The following TMEM260 variants were observed in gnomAD, a reference collection of about 807,000 sequenced individuals.
TMEM260 encodes the protein transmembrane protein 260.
A neutral mutation model predicts 88.9 loss-of-function variants in TMEM260; 82 were observed. That is an observed-to-expected ratio of 0.92 (90% CI 0.77 to 1.11). TMEM260 has a LOEUF of 1.11. TMEM260 is among the 50% of genes least tolerant of loss of function. TMEM260 has a pLI of 0.00. For synonymous variants in TMEM260, 314 were observed against 309.3 expected (o/e 1.02, Z -0.16); for missense variants, 902 against 853.4 (o/e 1.06, Z -0.71).
At chr14:56,631,737 G>A (rs765384347) in intron 12 of TMEM260, among the ~76,000 whole-genome samples, 1 of 152,112 alleles carries the variant, frequency 6.6e-6, no homozygotes, top group Non-Finnish European at 1.5e-5. Context: ...GTTAAACTCT[G>A]CTGTTTTGCC....
Position 56,585,719 on chromosome 14 carries a change from T to A in TMEM260, c.193-42T>A, listed in dbSNP as rs149810816. ...ATTAAGGCCTGTGGGACTCTTCCTT[T>A]CCTAGATGAAAACCTTCTAACTGTT... On this transcript the variant is annotated intron_variant, in intron 2 of 15. Coordinates refer to ENST00000261556, the MANE Select transcript of TMEM260 (RefSeq NM_017799.4). 134 of 1,593,702 alleles carry A rather than the reference T, an allele frequency of 8.4e-5. No homozygotes were observed. The African/African-American group carries it at 1.5e-3, about 18-fold the overall frequency.
intron 14 of TMEM260, 91 bp downstream of exon 14, chr14:56,635,043 G>GT: frequency 9.2e-7 from 1 of 1,086,566 alleles, no homozygotes; most frequent in Non-Finnish European, 1.4e-6. Flanking sequence ...GTAGGGGTGA[G>GT]TAGTGATAAT....
intron 12 of TMEM260, 46 bp downstream of exon 12, chr14:56,625,576 T>C: frequency 6.6e-7 from 1 of 1,510,338 alleles, no homozygotes; most frequent in Non-Finnish European, 9.0e-7. Flanking sequence ...TCTTAAGCTT[T>C]TCTAAAATTG....
At chr14:56,637,476 C>T in intron 15 of TMEM260, among the ~76,000 whole-genome samples, 1 of 152,192 alleles carries the variant, frequency 6.6e-6, no homozygotes. Context: ...GGAGCAGATA[C>T]AAGAGGCTTG....
chr14:56,642,085 A>G (rs1889637273), intron 15 of TMEM260, among the ~76,000 whole-genome samples: 1 of 152,218 alleles, frequency 6.6e-6, no homozygotes, highest in Non-Finnish European at 1.5e-5. Flanking sequence ...CACTGTCAAC[A>G]TTAGACAGAT....
Position 56,615,976 on chromosome 14 carries a change from C to A in TMEM260, c.890C>A (p.Ser297Ter). 1 of 1,613,296 alleles carries A rather than the reference C, an allele frequency of 6.2e-7. No homozygotes were observed. The highest frequency in any genetic ancestry group is 8.5e-7 in the Non-Finnish European group (1 of 1,179,438). ...SQVTNMRTEL[S>*]FNIQALAVCA... ...GTAACAAATATGAGGACCGAACTCT[C>A]ATTCAACATCCAAGCCCTTGCAGTT... is the stretch of plus-strand genomic sequence containing the variant. The change falls in exon 8 of 16, where the codon TCA (serine) becomes TAA (stop). Residue 297 changes from serine (S) to a stop codon, truncating the protein, a stop_gained. Transcript: ENST00000261556. LOFTEE classifies it high-confidence loss of function.
chr14:56,641,930 A>G (rs1208322207), intron 15 of TMEM260, among the ~76,000 whole-genome samples: 1 of 152,228 alleles, frequency 6.6e-6, no homozygotes, highest in African/African-American at 2.4e-5. Context: ...ATTACATAAT[A>G]GTAAAGGGAT....
In TMEM260 at chr14:56,638,968, T is replaced by C. The variant is rs2139643545; in HGVS notation, c.1869+2370T>C. Among the ~76,000 whole-genome samples the C allele has an allele frequency of 2.0e-5, 3 of 152,232 alleles. No individual in the cohort carries two copies. The South Asian group carries it at 6.2e-4, about 32-fold the overall frequency. ...CTTCTCAAGATATGGTACATGTGAC[T>C]TAATAGGACATCTAAAATAAGTTGA... On this transcript the variant is annotated intron_variant, in intron 15 of 15. Coordinates refer to ENST00000261556, the MANE Select transcript of TMEM260 (RefSeq NM_017799.4).
intron 3 of TMEM260, among the ~76,000 whole-genome samples, chr14:56,601,704 A>G (rs182039258): frequency 5.9e-5 from 9 of 152,156 alleles, no homozygotes; most frequent in East Asian, 1.9e-4. Context: ...CTTCTCACCT[A>G]TTTATTTATA....
At chr14:56,641,995 C>T (rs1025986628) in intron 15 of TMEM260, among the ~76,000 whole-genome samples, 22 of 152,150 alleles carry the variant, frequency 1.4e-4, no homozygotes, top group African/African-American at 5.1e-4. Context: ...CAGGAGCACC[C>T]AGATTCATAA....
At chr14:56,624,266 A>G (rs1341859422) in intron 11 of TMEM260, among the ~76,000 whole-genome samples, 1 of 152,144 alleles carries the variant, frequency 6.6e-6, no homozygotes, top group South Asian at 2.1e-4. Flanking sequence ...AGGCATTTCA[A>G]TTTCAGCAAA....
At chr14:56,604,049 A>G in intron 4 of TMEM260, 57 bp downstream of exon 4, 7 of 1,485,608 alleles carry the variant, frequency 4.7e-6, no homozygotes, top group Non-Finnish European at 6.3e-6. Flanking sequence ...AGACAGATGT[A>G]TTTCTTTTTA....
intron 14 of TMEM260, among the ~76,000 whole-genome samples, chr14:56,635,820 T>TA (rs1333931625): frequency 6.6e-6 from 1 of 150,588 alleles, no homozygotes; most frequent in African/African-American, 2.5e-5. Context: ...GGTCAAGAAA[T>TA]ACAGCTGCAA....
chr14:56,587,323 A>C (rs964863297), intron 3 of TMEM260, among the ~76,000 whole-genome samples: 1 of 151,962 alleles, frequency 6.6e-6, no homozygotes, highest in African/African-American at 2.4e-5. Flanking sequence ...TCTTTGTGCA[A>C]GTAAAGGGAT....
Position 56,647,098 on chromosome 14 carries a change from T to A in TMEM260, c.1870-145T>A, listed in dbSNP as rs114354566. ...ATTGCAGTAACATTCTTGGGTTCTC[T>A]GCATGGCTTAGCAATGATTAGATTT... is the stretch of plus-strand genomic sequence containing the variant. On this transcript the variant is annotated intron_variant, in intron 15 of 15. Transcript: ENST00000261556. 2.6e-3 allele frequency: 2,218 copies of A among 862,862 alleles called. 58 individuals carry two copies. The highest frequency in any genetic ancestry group is 0.025 in the South Asian group (1,375 of 53,966). The allele number at this position is 862,862 out of a possible 1,614,324, so 53.5% of individuals were successfully genotyped here. A position where few individuals can be genotyped will look rare whatever the true frequency, so the allele number is the denominator to read the frequency against.
chr14:56,600,681 G>A (rs1350567422), intron 3 of TMEM260, among the ~76,000 whole-genome samples: 2 of 152,036 alleles, frequency 1.3e-5, no homozygotes, highest in Non-Finnish European at 2.9e-5. Context: ...TAAATAGTAC[G>A]TGCTCACTAG....
Position 56,636,542 on chromosome 14 carries a change from GA to G in TMEM260, c.1816del (p.Thr606LeufsTer8). On this transcript the variant is annotated frameshift_variant, in exon 15 of 16. Transcript: ENST00000261556. LOFTEE classifies it high-confidence loss of function. ...ACCGTTCTTCATCTTTAACCTGGCA[GA>G]AACTGCTCACATGCCTTCAAAAGTG... ...KTPFFIFNLA[E>X]TAHMPSKVKA... is the part of the protein sequence containing the mutation. The G allele has an allele frequency of 6.2e-7, 1 of 1,614,024 alleles. No homozygotes were observed. Among genetic ancestry groups the G allele is most frequent in the Non-Finnish European group, 8.5e-7 (1 of 1,179,990 alleles).
intron 10 of TMEM260, 92 bp downstream of exon 10, chr14:56,618,855 G>A (rs1011661179): frequency 2.3e-5 from 30 of 1,282,836 alleles, no homozygotes; most frequent in Non-Finnish European, 3.2e-5. Context: ...GTTAACTTCT[G>A]GTTTTCAAGA....
downstream of TMEM260, among the ~76,000 whole-genome samples, chr14:56,654,707 G>GGGAAA (rs1890268327): frequency 6.7e-6 from 1 of 149,706 alleles, no homozygotes; most frequent in African/African-American, 2.4e-5. Context: ...TCAGCTACTT[G>GGGAAA]GGAGGCTGAG....
Sources: gnomAD v4.1 joint callset for allele counts (sites outside exome capture counted in the v4.1 genomes callset) on GRCh38, gnomAD v4.1.1 for gene constraint, MANE v1.5 for transcripts, NCBI Gene and HGNC (gene_info 2026-07-23, HGNC 2026-07-21) for gene names.